The following RASSF8 variants were observed in gnomAD, a reference collection of about 807,000 sequenced individuals.
The protein encoded by RASSF8 is Ras association domain family member 8, also known as ras association domain-containing protein 8.
RASSF8 carries 22 observed loss-of-function variants against 48.5 expected under a neutral mutation model. That is an observed-to-expected ratio of 0.45 (90% CI 0.32 to 0.65). The LOEUF (loss-of-function observed/expected upper bound fraction) is 0.65. Ranked by LOEUF, RASSF8 falls within the 30% of genes least tolerant of loss-of-function variation. The pLI is 0.03. For synonymous variants in RASSF8, 127 were observed against 171.5 expected (o/e 0.74, Z 2.03); for missense variants, 418 against 489.2 (o/e 0.85, Z 1.37).
At position 26,071,935 on chromosome 12, in the gene RASSF8, CT is replaced by C; in HGVS notation, c.*3118del. 1.0e-6 allele frequency: 1 copy of C among 985,344 alleles called. No individual in the cohort carries two copies. Among genetic ancestry groups the C allele is most frequent in the Non-Finnish European group, 1.2e-6 (1 of 829,866 alleles). The allele number at this position is 985,344 out of a possible 1,614,324, so 61.0% of individuals were successfully genotyped here. A position where few individuals can be genotyped will look rare whatever the true frequency, so the allele number is the denominator to read the frequency against. ...CATCTGCATTAAAGGATAATTTTCT[CT>C]GTGAATAAGAGCAAAATGGTCTTCA... On this transcript the variant is annotated 3_prime_UTR_variant, in exon 6 of 6. Transcript: ENST00000689635.
intron 1 of RASSF8, among the ~76,000 whole-genome samples, chr12:25,968,971 G>T (rs1317300956): frequency 6.6e-6 from 1 of 152,192 alleles, no homozygotes; most frequent in Non-Finnish European, 1.5e-5. Context: ...CTCTCTGGCT[G>T]CCTACAGGAA....
At chr12:25,968,324 T>G (rs1221672776) in intron 1 of RASSF8, among the ~76,000 whole-genome samples, 2 of 150,062 alleles carry the variant, frequency 1.3e-5, no homozygotes, top group African/African-American at 5.1e-5. Context: ...TCACTCTTTC[T>G]TTGTTCTTTA....
rs116364999 is a variant in RASSF8 at position 26,021,705 on chromosome 12, A to G, written c.-109+26575A>G. Among the ~76,000 whole-genome samples, 892 of 152,216 alleles carry G rather than the reference A, an allele frequency of 5.9e-3. 5 individuals carry two copies. The highest frequency in any genetic ancestry group is 0.02 in the African/African-American group (840 of 41,530). On this transcript the variant is annotated intron_variant, in intron 2 of 5. Coordinates refer to ENST00000689635, the MANE Select transcript of RASSF8 (RefSeq NM_001394098.1). ...CCATTACCTTGCTTGTAAGGGAGAG[A>G]AGTTCAACACTGAGAAAGGCAAGCC...
chr12:26,040,381 G>A (rs1032459656), intron 2 of RASSF8, among the ~76,000 whole-genome samples: 4 of 152,192 alleles, frequency 2.6e-5, no homozygotes, highest in African/African-American at 7.2e-5. Flanking sequence ...GGTAGGACAT[G>A]CGGTGAAGGT....
intron 1 of RASSF8, among the ~76,000 whole-genome samples, chr12:25,994,562 C>T (rs1942088362): frequency 6.6e-6 from 1 of 152,138 alleles, no homozygotes. Flanking sequence ...TTTGTACTTA[C>T]CAAGGAAAAG....
intron 1 of RASSF8, among the ~76,000 whole-genome samples, chr12:25,990,514 T>C (rs1017866509): frequency 3.9e-5 from 6 of 152,228 alleles, no homozygotes; most frequent in Admixed American, 3.3e-4. Context: ...CAAACTAATA[T>C]AGCTTAATAG....
chr12:26,032,502 A>T lies in RASSF8; in HGVS notation c.-108-22734A>T, dbSNP rs542843673. Among the ~76,000 whole-genome samples, 22 of 152,302 alleles carry T rather than the reference A, an allele frequency of 1.4e-4. No homozygotes were observed. The South Asian group carries it at 3.1e-3, about 21-fold the overall frequency. On this transcript the variant is annotated intron_variant, in intron 2 of 5. Coordinates refer to ENST00000689635, the MANE Select transcript of RASSF8 (RefSeq NM_001394098.1). ...GCTGAGTCAAAGGTTCCCTTGTGACATGTGAATTTTTAGGAAGGAGAACAA... is the reference window on the plus strand; with the variant it reads ...GCTGAGTCAAAGGTTCCCTTGTGACTTGTGAATTTTTAGGAAGGAGAACAA...
chr12:25,971,451 T>C (rs1200042214), intron 1 of RASSF8, among the ~76,000 whole-genome samples: 3 of 152,228 alleles, frequency 2.0e-5, no homozygotes, highest in Non-Finnish European at 1.5e-5. Context: ...CTGATCATCC[T>C]GTTGCATATT....
At chr12:25,971,565 A>G (rs749519103) in intron 1 of RASSF8, among the ~76,000 whole-genome samples, 11 of 150,068 alleles carry the variant, frequency 7.3e-5, no homozygotes, top group Non-Finnish European at 1.5e-4. Context: ...TTTTCATTTC[A>G]TATGGAAAAA....
intron 1 of RASSF8, among the ~76,000 whole-genome samples, chr12:25,983,787 G>T (rs1327650074): frequency 6.6e-6 from 1 of 152,120 alleles, no homozygotes; most frequent in Non-Finnish European, 1.5e-5. Flanking sequence ...GTAGGACAGG[G>T]GTGATACTAA....
At chr12:25,991,414 T>A (rs961652314) in intron 1 of RASSF8, among the ~76,000 whole-genome samples, 1 of 151,304 alleles carries the variant, frequency 6.6e-6, no homozygotes, top group Non-Finnish European at 1.5e-5. Flanking sequence ...CGTAACTTTT[T>A]TTTTTTTCTT....
At chr12:25,995,911 A>G (rs1273047844) in intron 2 of RASSF8, among the ~76,000 whole-genome samples, 2 of 152,204 alleles carry the variant, frequency 1.3e-5, no homozygotes, top group African/African-American at 4.8e-5. Flanking sequence ...TCTCATTTGC[A>G]AAAGTTATGT....
At chr12:26,051,319 G>A (rs189575666) in intron 2 of RASSF8, among the ~76,000 whole-genome samples, 3 of 152,202 alleles carry the variant, frequency 2.0e-5, no homozygotes, top group Admixed American at 2.0e-4. Flanking sequence ...TAAATCACTG[G>A]GCATGTGTGA....
At position 25,959,049 on chromosome 12, in the gene RASSF8, G is replaced by A. The variant is rs1941156969; in HGVS notation, c.-302G>A. ...GTGCCGGGGAGTGCGGCGCGGGGACGGGCGCTGGGCGGCCGCGGAGCTCCG... is the reference window on the plus strand; with the variant it reads ...GTGCCGGGGAGTGCGGCGCGGGGACAGGCGCTGGGCGGCCGCGGAGCTCCG... On this transcript the variant is annotated 5_prime_UTR_variant, in exon 1 of 6. Coordinates refer to ENST00000689635, the MANE Select transcript of RASSF8 (RefSeq NM_001394098.1). 1 of 147,664 alleles carries A rather than the reference G, an allele frequency of 6.8e-6. No individual in the cohort carries two copies. The highest frequency in any genetic ancestry group is 2.4e-5 in the African/African-American group (1 of 40,990). 9.1% of individuals were successfully genotyped at this position (147,664 alleles called of 1,614,324 possible).
intron 2 of RASSF8, among the ~76,000 whole-genome samples, chr12:26,030,085 AT>A (rs1942996650): frequency 6.6e-6 from 1 of 152,168 alleles, no homozygotes; most frequent in South Asian, 2.1e-4. Flanking sequence ...TTCTCTTGGG[AT>A]TTTGATTATG....
rs1591822263 is a variant in RASSF8 at position 26,069,105 on chromosome 12, G to C, written c.*287G>C. ...GAGAGCTTTAGGAAAGTATTATATA[G>C]TGTGTATACATAAATAAGCCGTGAC... On this transcript the variant is annotated 3_prime_UTR_variant, in exon 6 of 6. Coordinates refer to ENST00000689635, the MANE Select transcript of RASSF8 (RefSeq NM_001394098.1). 4 of 1,033,340 alleles carry C rather than the reference G, an allele frequency of 3.9e-6. No individual in the cohort carries two copies. The highest frequency in any genetic ancestry group is 8.5e-5 in the East Asian group (1 of 11,752). 64.0% of individuals were successfully genotyped at this position (1,033,340 alleles called of 1,614,324 possible).
At chr12:26,074,944 C>G (rs369597390), downstream of RASSF8, among the ~76,000 whole-genome samples, 7 of 152,138 alleles carry the variant, frequency 4.6e-5, no homozygotes, top group Admixed American at 2.6e-4. Context: ...AAATTTTAAG[C>G]GTGGAAATTA....
At chr12:25,984,137 C>T (rs1238504550) in intron 1 of RASSF8, among the ~76,000 whole-genome samples, 2 of 151,794 alleles carry the variant, frequency 1.3e-5, no homozygotes, top group African/African-American at 4.8e-5. Flanking sequence ...TTATAGCTCA[C>T]TCACCCTCTA....
At chr12:26,061,495 A>G (rs978124976) in intron 3 of RASSF8, among the ~76,000 whole-genome samples, 22 of 151,050 alleles carry the variant, frequency 1.5e-4, no homozygotes, top group African/African-American at 5.3e-4. Flanking sequence ...TTGGATCGAA[A>G]TTATTTGATA....
Sources: allele counts gnomAD v4.1 joint callset (sites outside exome capture counted in the v4.1 genomes callset), GRCh38; gene constraint gnomAD v4.1.1; transcripts MANE v1.5; gene names NCBI Gene and HGNC (gene_info 2026-07-23, HGNC 2026-07-21).